Variants in TBL1X observed in about 807,000 individuals in gnomAD.
TBL1X encodes F-box-like/WD repeat-containing protein TBL1X.
A neutral mutation model predicts 50.7 loss-of-function variants in TBL1X; 10 were observed. The ratio of observed to expected loss-of-function variants is 0.20; its 90% CI spans 0.12 to 0.33. TBL1X has a LOEUF of 0.33. Among genes scored for constraint, TBL1X ranks in the 10% least tolerant of loss-of-function variants. The probability of loss-of-function intolerance (pLI) is 1.00; values close to 1 mark genes in which losing one functional copy is unlikely to be tolerated. For synonymous variants in TBL1X, 190 were observed against 214.7 expected, an observed-to-expected ratio of 0.88 and a Z score of 1.01; for missense variants, 340 against 504.4, an observed-to-expected ratio of 0.67 and a Z score of 3.12.
chrX:9,589,030 G>A (rs778929971), intron 2 of TBL1X, among the ~76,000 whole-genome samples: 2 of 111,600 alleles, frequency 1.8e-5, no homozygotes, highest in South Asian at 7.7e-4. Flanking sequence ...TTTACACTGT[G>A]CTGTGAATAC....
chrX:9,625,232 A>C (rs2082686571), intron 2 of TBL1X, among the ~76,000 whole-genome samples: 2 of 112,684 alleles, frequency 1.8e-5, no homozygotes, highest in African/African-American at 3.2e-5. Flanking sequence ...AGGTCTGAGA[A>C]TATTAATAGA....
chrX:9,631,024 G>A (rs2082718724), intron 2 of TBL1X, among the ~76,000 whole-genome samples: 4 of 111,079 alleles, frequency 3.6e-5, no homozygotes, highest in Admixed American at 1.9e-4. Flanking sequence ...ATTCAGTAAC[G>A]ATATACATGT....
chrX:9,472,878 A>C (rs1341932365), intron 1 of TBL1X, among the ~76,000 whole-genome samples: 1 of 108,679 alleles, frequency 9.2e-6, no homozygotes, highest in Non-Finnish European at 1.9e-5. Flanking sequence ...GCGCCACTGC[A>C]CTCCAGCCTG....
intron 5 of TBL1X, among the ~76,000 whole-genome samples, chrX:9,683,629 T>G (rs1209999263): frequency 4.5e-5 from 5 of 110,985 alleles, no homozygotes; most frequent in Non-Finnish European, 9.5e-5. Context: ...TTTCAGGGGG[T>G]GACACAGAGA....
chrX:9,593,356 C>G (rs1271071872), intron 2 of TBL1X, among the ~76,000 whole-genome samples: 1 of 109,900 alleles, frequency 9.1e-6, no homozygotes. Flanking sequence ...GAGCTGATAT[C>G]GCACCACTGC....
At chrX:9,504,369 C>G (rs140839769) in intron 2 of TBL1X, among the ~76,000 whole-genome samples, 4,874 of 111,559 alleles carry the variant, frequency 0.044, 263 homozygotes, top group African/African-American at 0.15. Flanking sequence ...TGCTGAAAAC[C>G]CAAAAGGCCA....
intron 15 of TBL1X, among the ~76,000 whole-genome samples, 173 bp from the exon 16 acceptor site, chrX:9,711,438 T>C (rs143007798): frequency 0.011 from 1,183 of 112,414 alleles, 17 homozygotes; most frequent in African/African-American, 0.035. Flanking sequence ...ACTATGGCTT[T>C]GTTTTTAATA....
chrX:9,605,513 A>G (rs1569072931), intron 2 of TBL1X, among the ~76,000 whole-genome samples: 1 of 112,748 alleles, frequency 8.9e-6, no homozygotes, highest in Non-Finnish European at 1.9e-5. Context: ...AAATCAGACA[A>G]GTTTAGGATT....
chrX:9,704,880 GAATA>G (rs766312993), intron 12 of TBL1X, 109 bp from the exon 13 acceptor site: 23 of 1,123,583 alleles, frequency 2.0e-5, no homozygotes, highest in East Asian at 3.0e-5. Context: ...CCTGTCTCTA[GAATA>G]AATAAATAAG....
At chrX:9,499,585 C>T (rs998049722) in intron 1 of TBL1X, among the ~76,000 whole-genome samples, 1 of 112,510 alleles carries the variant, frequency 8.9e-6, no homozygotes, top group African/African-American at 3.2e-5. Flanking sequence ...CAGCCACAAG[C>T]TGGCCAAGAT....
intron 4 of TBL1X, 150 bp downstream of exon 4, chrX:9,653,839 C>A: frequency 1.9e-6 from 1 of 520,264 alleles, no homozygotes; most frequent in Non-Finnish European, 3.1e-6. Context: ...CTTTGGGATT[C>A]CATTCCTGCC....
At chrX:9,547,999 AG>A (rs1237326479) in intron 2 of TBL1X, among the ~76,000 whole-genome samples, 1 of 103,499 alleles carries the variant, frequency 9.7e-6, no homozygotes, top group Non-Finnish European at 2.0e-5. Flanking sequence ...ACACAAAAAA[AG>A]GTTTCAGAAA....
intron 2 of TBL1X, among the ~76,000 whole-genome samples, chrX:9,623,581 G>C (rs928675867): frequency 1.8e-5 from 2 of 111,736 alleles, no homozygotes; most frequent in African/African-American, 6.5e-5. Context: ...CAGCTACTTG[G>C]GAGGTTGAGG....
intron 2 of TBL1X, among the ~76,000 whole-genome samples, chrX:9,630,455 G>T (rs1488889654): frequency 9.0e-6 from 1 of 111,568 alleles, no homozygotes; most frequent in Non-Finnish European, 1.9e-5. Context: ...ATATAAAATA[G>T]TGTCCTATTT....
At chrX:9,701,173 G>A (rs750981447) in intron 12 of TBL1X, among the ~76,000 whole-genome samples, 13 of 111,559 alleles carry the variant, frequency 1.2e-4, no homozygotes, top group Middle Eastern at 4.6e-3. Context: ...CTACGGCTAC[G>A]CGAAATGTAA....
intron 2 of TBL1X, among the ~76,000 whole-genome samples, chrX:9,626,153 C>T (rs779842726): frequency 1.8e-5 from 2 of 111,185 alleles, no homozygotes; most frequent in Non-Finnish European, 3.8e-5. Context: ...ACACGTGTCG[C>T]GTGTGTCTCT....
At chrX:9,477,530 A>C (rs2081855920) in intron 1 of TBL1X, among the ~76,000 whole-genome samples, 1 of 111,697 alleles carries the variant, frequency 9.0e-6, no homozygotes, top group South Asian at 3.7e-4. Flanking sequence ...CCCCTTTGCA[A>C]GCTCTATTAC....
At chrX:9,540,887 G>C (rs1027724705) in intron 2 of TBL1X, among the ~76,000 whole-genome samples, 2 of 111,861 alleles carry the variant, frequency 1.8e-5, no homozygotes, top group African/African-American at 6.5e-5. Context: ...TCTTTTAAAG[G>C]TTGTAAAATG....
chrX:9,560,130 A>G (rs1250499705), intron 2 of TBL1X, among the ~76,000 whole-genome samples: 2 of 112,035 alleles, frequency 1.8e-5, no homozygotes, highest in Non-Finnish European at 3.8e-5. Context: ...ATTGCAAACT[A>G]GTTATGTCAC....
Sources: allele counts gnomAD v4.1 joint callset (sites outside exome capture counted in the v4.1 genomes callset), GRCh38; gene constraint gnomAD v4.1.1; transcripts MANE v1.5; gene names NCBI Gene and HGNC (gene_info 2026-07-23, HGNC 2026-07-21).